The following ABL2 variants were observed in gnomAD, a reference collection of about 807,000 sequenced individuals.
ABL2 encodes the protein ABL proto-oncogene 2, non-receptor tyrosine kinase, also known as tyrosine-protein kinase ABL2.
In ABL2, 49 loss-of-function variants were observed where a neutral mutation model predicts 107.7. The observed-to-expected ratio is 0.45, with a 90% CI of 0.36 to 0.58. The LOEUF (loss-of-function observed/expected upper bound fraction) is 0.58, where lower values mean the gene tolerates loss of function less well. Among genes scored for constraint, ABL2 ranks in the 20% least tolerant of loss-of-function variants. The pLI, the probability that ABL2 is intolerant of heterozygous loss-of-function variation, is 0.00. For missense variants in ABL2, 1,245 were observed against 1,457.0 expected (o/e 0.85, Z 2.37); for synonymous variants, 549 against 548.6 (o/e 1.00, Z -0.01).
At chr1:179,222,526 G>C (rs1156705765) in intron 1 of ABL2, among the ~76,000 whole-genome samples, 1 of 152,116 alleles carries the variant, frequency 6.6e-6, no homozygotes, top group Non-Finnish European at 1.5e-5. Flanking sequence ...GAGTAGGTGG[G>C]ATTATAGGTG....
At chr1:179,209,297 G>A (rs1012942581) in intron 1 of ABL2, among the ~76,000 whole-genome samples, 3 of 152,130 alleles carry the variant, frequency 2.0e-5, no homozygotes, top group African/African-American at 7.2e-5. Context: ...GCCTTGCTAA[G>A]TTCCCCCCAG....
intron 4 of ABL2, among the ~76,000 whole-genome samples, chr1:179,123,413 G>A (rs1438846851): frequency 6.6e-6 from 1 of 152,194 alleles, no homozygotes; most frequent in African/African-American, 2.4e-5. Flanking sequence ...GCTGAGGTGG[G>A]AGGATTGCTT....
chr1:179,152,465 C>T (rs780921703), intron 1 of ABL2, among the ~76,000 whole-genome samples: 3 of 152,164 alleles, frequency 2.0e-5, no homozygotes, highest in Non-Finnish European at 4.4e-5. Context: ...TGAAGAGGAG[C>T]TCAGGTGGTA....
chr1:179,171,634 C>T (rs1447125474), intron 1 of ABL2, among the ~76,000 whole-genome samples: 2 of 152,114 alleles, frequency 1.3e-5, no homozygotes, highest in South Asian at 2.1e-4. Flanking sequence ...GCAATCCTCC[C>T]GCCCCAGCCT....
intron 1 of ABL2, among the ~76,000 whole-genome samples, chr1:179,205,854 G>A (rs1262165301): frequency 6.6e-6 from 1 of 152,114 alleles, no homozygotes. Context: ...AAATAACAAT[G>A]AAGAGGAACT....
At chr1:179,134,858 T>C (rs929352517) in intron 1 of ABL2, among the ~76,000 whole-genome samples, 1 of 152,228 alleles carries the variant, frequency 6.6e-6, no homozygotes, top group Non-Finnish European at 1.5e-5. Flanking sequence ...GCTTGCTGAG[T>C]GCCTGCGAGT....
intron 1 of ABL2, among the ~76,000 whole-genome samples, chr1:179,223,412 C>CAAA (rs34625592): frequency 3.0e-5 from 4 of 132,386 alleles, no homozygotes; most frequent in Admixed American, 7.6e-5. Flanking sequence ...GACCCTGTCT[C>CAAA]AAAAAAAAAA....
chr1:179,165,004 T>C (rs1344016473), intron 1 of ABL2, among the ~76,000 whole-genome samples: 4 of 152,208 alleles, frequency 2.6e-5, no homozygotes, highest in Admixed American at 1.3e-4. Flanking sequence ...TTACAATTTA[T>C]ATTGTAGTAG....
At chr1:179,133,450 T>C in intron 1 of ABL2, 76 bp from the exon 2 acceptor site, 4 of 1,611,626 alleles carry the variant, frequency 2.5e-6, no homozygotes, top group Non-Finnish European at 3.4e-6. Context: ...AAAGTCTCCT[T>C]TTCATGGCAT....
rs528004734 is a variant in ABL2 at position 179,131,457 on chromosome 1, C to A, written c.245G>T (p.Cys82Phe). The A allele has an allele frequency of 2.5e-6, 4 of 1,614,064 alleles. No homozygotes were observed. In the East Asian group the frequency reaches 8.9e-5, roughly 36 times the overall value. The change falls in exon 3 of 12, where the codon TGT becomes TTT. Residue 82 changes from cysteine to phenylalanine, a missense_variant. Physicochemically the swap from Cys to Phe is radical, Grantham distance 205 (BLOSUM62 -2). Around this residue, in one of 3 missense-constraint regions of ABL2, gnomAD observed 164 missense variants for 143.7 expected, o/e 1.14. Coordinates refer to ENST00000502732, the MANE Select transcript of ABL2 (RefSeq NM_007314.4). ...SPEALHRPYGCDVEPQALNEA... is the reference protein window; with the variant it reads ...SPEALHRPYGFDVEPQALNEA... Reference sequence around the variant, plus strand: ...ATTTAGTGCCTGGGGTTCAACATCACAACCATAGGGACGATGCAAAGCTTC... The same window carrying A: ...ATTTAGTGCCTGGGGTTCAACATCAAAACCATAGGGACGATGCAAAGCTTC...
At chr1:179,136,809 C>T (rs955313882) in intron 1 of ABL2, among the ~76,000 whole-genome samples, 68 of 150,954 alleles carry the variant, frequency 4.5e-4, no homozygotes, top group Non-Finnish European at 7.4e-4. Flanking sequence ...CCAGCTACTT[C>T]GGAGGCTGAG....
chr1:179,134,886 C>T (rs1309928232), intron 1 of ABL2, among the ~76,000 whole-genome samples: 1 of 152,234 alleles, frequency 6.6e-6, no homozygotes, highest in East Asian at 1.9e-4. Flanking sequence ...CGCACCGCCA[C>T]GCCTGACTGG....
chr1:179,124,142 G>A (rs1179734220), intron 4 of ABL2, among the ~76,000 whole-genome samples: 1 of 151,954 alleles, frequency 6.6e-6, no homozygotes. Context: ...TGAGGAGGCT[G>A]AGGCAGGAGA....
intron 1 of ABL2, among the ~76,000 whole-genome samples, chr1:179,208,515 C>T (rs1198588151): frequency 1.3e-5 from 2 of 152,124 alleles, no homozygotes; most frequent in Non-Finnish European, 2.9e-5. Flanking sequence ...TATACATTTG[C>T]TTTTTTCTCT....
chr1:179,213,071 T>C (rs1227222051), intron 1 of ABL2, among the ~76,000 whole-genome samples: 2 of 148,318 alleles, frequency 1.3e-5, no homozygotes, highest in African/African-American at 5.0e-5. Context: ...AAAAGAAATA[T>C]AATGCAAGCT....
chr1:179,197,134 A>C (rs562321592), intron 1 of ABL2, among the ~76,000 whole-genome samples: 1 of 152,338 alleles, frequency 6.6e-6, no homozygotes, highest in Non-Finnish European at 1.5e-5. Context: ...GCAATATTTG[A>C]AGATATAATT....
intron 1 of ABL2, among the ~76,000 whole-genome samples, chr1:179,213,399 G>C (rs1405650357): frequency 6.6e-6 from 1 of 151,858 alleles, no homozygotes. Flanking sequence ...AAACTCCTGG[G>C]CTCAAGCTAT....
At chr1:179,205,992 T>C (rs796658207) in intron 1 of ABL2, among the ~76,000 whole-genome samples, 12 of 152,292 alleles carry the variant, frequency 7.9e-5, no homozygotes, top group African/African-American at 2.6e-4. Flanking sequence ...CTCTATTAGA[T>C]AGGTATCATT....
chr1:179,133,344 A>G lies in ABL2; in HGVS notation c.188T>C (p.Phe63Ser). The G allele has an allele frequency of 6.2e-7, 1 of 1,614,052 alleles. No homozygotes were observed. Among genetic ancestry groups the G allele is most frequent in the Non-Finnish European group, 8.5e-7 (1 of 1,180,006 alleles). Reference sequence around the variant, plus strand: ...ACTGCCTCCAGTCTTGTCTCCCTCAAATCCATCCTCCACACAGCTGGCAAA... The same window carrying G: ...ACTGCCTCCAGTCTTGTCTCCCTCAGATCCATCCTCCACACAGCTGGCAAA... ...DHFASCVEDG[F>S]EGDKTGGSSP... The change falls in exon 2 of 12, where the codon TTT becomes TCT. Residue 63 changes from phenylalanine (F) to serine (S), a missense_variant. Around this residue, in one of 3 missense-constraint regions of ABL2, gnomAD observed 164 missense variants for 143.7 expected, o/e 1.14. Coordinates refer to ENST00000502732, the MANE Select transcript of ABL2 (RefSeq NM_007314.4).
Sources: gnomAD v4.1 joint callset for allele counts (sites outside exome capture counted in the v4.1 genomes callset) on GRCh38, gnomAD v4.1.1 for gene constraint, gnomAD v4.1.1 regional missense constraint, MANE v1.5 for transcripts, NCBI Gene and HGNC (gene_info 2026-07-23, HGNC 2026-07-21) for gene names.